The following LRRTM4 variants were observed in gnomAD, a reference collection of about 807,000 sequenced individuals.
LRRTM4 encodes the protein leucine-rich repeat transmembrane neuronal protein 4.
A neutral mutation model predicts 47.6 loss-of-function variants in LRRTM4; 25 were observed. The ratio of observed to expected loss-of-function variants is 0.53; its 90% CI spans 0.38 to 0.73. The LOEUF (loss-of-function observed/expected upper bound fraction) is 0.73, where lower values mean the gene tolerates loss of function less well. LRRTM4 is among the 30% of genes least tolerant of loss of function. The pLI, the probability that LRRTM4 is intolerant of heterozygous loss-of-function variation, is 0.00. For synonymous variants in LRRTM4, 311 were observed against 269.5 expected, an observed-to-expected ratio of 1.15 and a Z score of -1.51; for missense variants, 638 against 713.4, an observed-to-expected ratio of 0.89 and a Z score of 1.20.
intron 3 of LRRTM4, among the ~76,000 whole-genome samples, chr2:76,808,298 C>T (rs1022476005): frequency 2.2e-4 from 33 of 152,032 alleles, no homozygotes; most frequent in African/African-American, 6.3e-4. Flanking sequence ...AGTGAGCCAC[C>T]GCAGCTGGCC....
At chr2:76,810,928 A>G (rs1214804515) in intron 3 of LRRTM4, among the ~76,000 whole-genome samples, 4 of 152,208 alleles carry the variant, frequency 2.6e-5, no homozygotes. Flanking sequence ...GAAATACCAT[A>G]CTATTCAATA....
In LRRTM4 at chr2:77,143,414, T is replaced by C. The variant is rs530890810; in HGVS notation, c.1551+374904A>G. ...AGCGCATATAGAAAAGGTACTGCAA[T>C]AGTTGATCATTTTTGTTTTAATAAA... On this transcript the variant is annotated intron_variant, in intron 3 of 3. Transcript: ENST00000409884. Among the ~76,000 whole-genome samples, 71 of 152,302 alleles carry C rather than the reference T, an allele frequency of 4.7e-4. 1 individual carries two copies. The South Asian group carries it at 0.014, about 30-fold the overall frequency.
intron 3 of LRRTM4, among the ~76,000 whole-genome samples, chr2:77,359,510 C>T (rs965911410): frequency 6.6e-6 from 1 of 152,130 alleles, no homozygotes; most frequent in Non-Finnish European, 1.5e-5. Context: ...ATTCTAAGCC[C>T]TTTTCTAATT....
intron 3 of LRRTM4, among the ~76,000 whole-genome samples, chr2:76,966,859 A>G (rs1005875834): frequency 6.6e-6 from 1 of 151,356 alleles, no homozygotes; most frequent in African/African-American, 2.4e-5. Flanking sequence ...TACCTCTCTG[A>G]CGACTTTTCA....
chr2:77,159,714 A>G (rs1031836792), intron 3 of LRRTM4, among the ~76,000 whole-genome samples: 3 of 151,886 alleles, frequency 2.0e-5, no homozygotes, highest in Non-Finnish European at 2.9e-5. Flanking sequence ...GAGGTAGAAA[A>G]GGTGGAAGAG....
At chr2:77,085,626 C>A (rs906857884) in intron 3 of LRRTM4, among the ~76,000 whole-genome samples, 1 of 151,998 alleles carries the variant, frequency 6.6e-6, no homozygotes, top group Non-Finnish European at 1.5e-5. Context: ...ATATGAAATA[C>A]CATTTTCCGC....
rs1419909215 is a variant in LRRTM4, at chr2:77,228,726, T to C, written c.1551+289592A>G. ...GTCAAAACATATTCTTATTGTGTCC[T>C]GTCCTTGTTCATATCAGGAGAAGAG... On this transcript the variant is annotated intron_variant, in intron 3 of 3. Transcript: ENST00000409884. 2.0e-5 allele frequency among the ~76,000 whole-genome samples: 3 copies of C among 152,354 alleles called. 1 individual carries two copies. The East Asian group carries it at 5.8e-4, about 29-fold the overall frequency.
chr2:77,201,958 A>G (rs1246458409), intron 3 of LRRTM4, among the ~76,000 whole-genome samples: 1 of 152,112 alleles, frequency 6.6e-6, no homozygotes, highest in Admixed American at 6.6e-5. Flanking sequence ...TTTGCAACTA[A>G]AAGATGAGCT....
At chr2:76,757,575 C>G (rs1228189570) in intron 3 of LRRTM4, among the ~76,000 whole-genome samples, 1 of 152,098 alleles carries the variant, frequency 6.6e-6, no homozygotes, top group South Asian at 2.1e-4. Flanking sequence ...AAAGGCTTTC[C>G]TTCGGTAGCT....
At chr2:76,964,224 T>C (rs1336655802) in intron 3 of LRRTM4, among the ~76,000 whole-genome samples, 1 of 150,768 alleles carries the variant, frequency 6.6e-6, no homozygotes, top group Non-Finnish European at 1.5e-5. Flanking sequence ...TATGTGTTGT[T>C]TGGAGAATAC....
At chr2:77,160,258 T>C (rs1672675894) in intron 3 of LRRTM4, among the ~76,000 whole-genome samples, 1 of 152,182 alleles carries the variant, frequency 6.6e-6, no homozygotes, top group Non-Finnish European at 1.5e-5. Flanking sequence ...TATATAACAA[T>C]CATGGCATTT....
intron 3 of LRRTM4, among the ~76,000 whole-genome samples, chr2:76,990,343 A>T (rs1028274896): frequency 5.3e-5 from 8 of 151,734 alleles, no homozygotes; most frequent in African/African-American, 1.9e-4. Flanking sequence ...TACACACCTC[A>T]CTTAAAAGGT....
chr2:77,136,851 C>G (rs10164763), intron 3 of LRRTM4, among the ~76,000 whole-genome samples: 2 of 151,496 alleles, frequency 1.3e-5, no homozygotes, highest in Admixed American at 6.6e-5. Flanking sequence ...GTAGCCGATT[C>G]GATCAACTGG....
chr2:76,802,645 G>C (rs1201362561), intron 3 of LRRTM4, among the ~76,000 whole-genome samples: 1 of 151,942 alleles, frequency 6.6e-6, no homozygotes, highest in Non-Finnish European at 1.5e-5. Context: ...AGATCCCAAA[G>C]ATCCAAAATA....
At chr2:77,247,517 C>G (rs1463634688) in intron 3 of LRRTM4, among the ~76,000 whole-genome samples, 1 of 152,062 alleles carries the variant, frequency 6.6e-6, no homozygotes, top group East Asian at 1.9e-4. Context: ...TTATACCTTG[C>G]ACTCAGAACA....
chr2:77,491,590 T>C (rs934535404), intron 3 of LRRTM4, among the ~76,000 whole-genome samples: 1 of 151,686 alleles, frequency 6.6e-6, no homozygotes, highest in Admixed American at 6.6e-5. Flanking sequence ...AGAAAAAAAT[T>C]CTTCATCAAT....
intron 3 of LRRTM4, among the ~76,000 whole-genome samples, chr2:77,222,594 G>C (rs11126596): frequency 0.2 from 30,155 of 152,060 alleles, 5,779 homozygotes; most frequent in African/African-American, 0.49. Context: ...CAGGAATAAA[G>C]TAGAAAATCT....
At chr2:76,769,452 T>C (rs1346349329) in intron 3 of LRRTM4, among the ~76,000 whole-genome samples, 1 of 152,004 alleles carries the variant, frequency 6.6e-6, no homozygotes, top group Non-Finnish European at 1.5e-5. Context: ...AGTGATAATA[T>C]AAGCTAAGCT....
At chr2:77,029,946 A>C (rs1678591795) in intron 3 of LRRTM4, among the ~76,000 whole-genome samples, 1 of 152,208 alleles carries the variant, frequency 6.6e-6, no homozygotes, top group African/African-American at 2.4e-5. Context: ...TAAGAGGATT[A>C]AAACAAATAA....
Sources: gnomAD v4.1 joint callset for allele counts (sites outside exome capture counted in the v4.1 genomes callset) on GRCh38, gnomAD v4.1.1 for gene constraint, MANE v1.5 for transcripts, NCBI Gene and HGNC (gene_info 2026-07-23, HGNC 2026-07-21) for gene names.